NCKAP1L: variants seen among roughly 807,000 people sequenced by gnomAD.
NCKAP1L encodes the protein NCK associated protein 1 like.
Under a neutral mutation model 139.2 loss-of-function variants are expected in NCKAP1L, and 53 were observed. That is an observed-to-expected ratio of 0.38 (90% confidence interval 0.31 to 0.48). The LOEUF (loss-of-function observed/expected upper bound fraction) is 0.48, where lower values mean the gene tolerates loss of function less well. Ranked by LOEUF, NCKAP1L falls within the 20% of genes least tolerant of loss-of-function variation. NCKAP1L has a pLI of 0.98. For synonymous variants in NCKAP1L, 468 were observed against 499.7 expected (o/e 0.94, Z 0.85); for missense variants, 1,151 against 1,381.9 (o/e 0.83, Z 2.65).
chr12:54,523,609 G>GTGACACGGAAAGAGGGAAGT, intron 19 of NCKAP1L, 70 bp downstream of exon 19: 1 of 1,385,898 alleles, frequency 7.2e-7, no homozygotes. Flanking sequence ...AAGAGGGAAG[G>GTGACACGGAAAGAGGGAAGT]TGACACAGAA....
intron 3 of NCKAP1L, among the ~76,000 whole-genome samples, chr12:54,505,324 G>A (rs1433952819): frequency 6.6e-6 from 1 of 151,924 alleles, no homozygotes; most frequent in Non-Finnish European, 1.5e-5. Context: ...GCCTTTTTTT[G>A]GAAGATAAGT....
intron 3 of NCKAP1L, among the ~76,000 whole-genome samples, chr12:54,503,398 A>G (rs1956816703): frequency 6.6e-6 from 1 of 152,080 alleles, no homozygotes; most frequent in Non-Finnish European, 1.5e-5. Flanking sequence ...TTACATTTAG[A>G]AATTTGTCAT....
chr12:54,514,948 C>T (rs922545800), intron 9 of NCKAP1L, among the ~76,000 whole-genome samples: 6 of 152,220 alleles, frequency 3.9e-5, no homozygotes, highest in African/African-American at 1.4e-4. Flanking sequence ...AGTTCTCCAT[C>T]ACTAAGAGCA....
At position 54,499,460 on chromosome 12, in the gene NCKAP1L, A is replaced by C. The variant is rs754963828; in HGVS notation, c.208A>C (p.Ser70Arg). Residue 70 changes from serine to arginine, a missense_variant, in exon 2 of 31, where the codon AGC becomes CGC. Ser to Arg is a moderately radical substitution (Grantham distance 110, BLOSUM62 -1). Coordinates refer to ENST00000293373, the MANE Select transcript of NCKAP1L (RefSeq NM_005337.5). The stretch of plus-strand genomic sequence containing the variant: ...ATTTCCCAACATAGATGTCCGAAAC[A>C]GCACGGTGAGAACTTGGTCCTTCTC... ...KKFPNIDVRN[S>R]TQHLGPVHRE... The C allele has an allele frequency of 1.9e-6, 3 of 1,546,136 alleles. No individual in the cohort carries two copies. In the East Asian group the frequency reaches 6.7e-5, roughly 35 times the overall value.
At chr12:54,535,477 A>G (rs1315452773) in intron 27 of NCKAP1L, among the ~76,000 whole-genome samples, 1 of 152,202 alleles carries the variant, frequency 6.6e-6, no homozygotes, top group Admixed American at 6.5e-5. Flanking sequence ...GTGCTCTGCA[A>G]GTGCTCAAAG....
chr12:54,518,619 C>T (rs1318169786), intron 13 of NCKAP1L, 32 bp from the exon 14 acceptor site: 3 of 1,575,160 alleles, frequency 1.9e-6, no homozygotes, highest in Middle Eastern at 1.7e-4. Context: ...GAACCTGTGC[C>T]CACTTGACAG....
chr12:54,504,889 C>T (rs565651033), intron 3 of NCKAP1L, among the ~76,000 whole-genome samples: 1 of 152,300 alleles, frequency 6.6e-6, no homozygotes, highest in South Asian at 2.1e-4. Context: ...TGATTCTTGT[C>T]TGTAGAGAAT....
chr12:54,517,457 A>G (rs1956942676), intron 11 of NCKAP1L, 76 bp from the exon 12 acceptor site: 1 of 948,610 alleles, frequency 1.1e-6, no homozygotes, highest in Admixed American at 1.8e-5. Flanking sequence ...TACCTATATT[A>G]TCATGGTAGT....
Position 54,536,213 on chromosome 12 carries a change from A to T in NCKAP1L, c.3041A>T (p.Asp1014Val). Reference protein sequence around the residue: ...LAVSLPLLATDPSSFYSIEKD... With the variant: ...LAVSLPLLATVPSSFYSIEKD... Reference sequence around the variant, plus strand: ...GTTTCCCTCCCACTCCTTGCCACTGACCCTTCTTCCTTTTATAGCATTGAG... The same window carrying T: ...GTTTCCCTCCCACTCCTTGCCACTGTCCCTTCTTCCTTTTATAGCATTGAG... The change falls in exon 28 of 31, where the codon GAC (aspartate) becomes GTC (valine). Residue 1014 changes from aspartate to valine, a missense_variant. Physicochemically the swap from Asp to Val is radical, Grantham distance 152. Transcript: ENST00000293373. 6.2e-7 allele frequency: 1 copy of T among 1,612,982 alleles called. No homozygotes were observed. The highest frequency in any genetic ancestry group is 8.5e-7 in the Non-Finnish European group (1 of 1,179,562).
At chr12:54,516,400 T>C (rs1223382624) in intron 10 of NCKAP1L, 105 bp downstream of exon 10, 1 of 1,043,286 alleles carries the variant, frequency 9.6e-7, no homozygotes, top group Non-Finnish European at 1.5e-6. Context: ...CTTTATTGCC[T>C]CAACCCAAGA....
intron 1 of NCKAP1L, 48 bp downstream of exon 1, chr12:54,497,939 G>T: frequency 8.0e-7 from 1 of 1,250,828 alleles, no homozygotes; most frequent in South Asian, 1.2e-5. Flanking sequence ...ACAATAATAG[G>T]GCAGGGAACC....
intron 26 of NCKAP1L, 46 bp from the exon 27 acceptor site, chr12:54,535,058 T>C (rs1407207086): frequency 6.6e-7 from 1 of 1,516,502 alleles, no homozygotes; most frequent in Non-Finnish European, 9.1e-7. Context: ...TGTCAAGCCA[T>C]TGTGTCCTGC....
At chr12:54,522,223 T>A (rs1956989543) in intron 18 of NCKAP1L, among the ~76,000 whole-genome samples, 2 of 152,202 alleles carry the variant, frequency 1.3e-5, no homozygotes, top group South Asian at 4.1e-4. Flanking sequence ...AAATAATTAA[T>A]GCAAGAAGAT....
chr12:54,529,467 A>G (rs1217835622), intron 22 of NCKAP1L, among the ~76,000 whole-genome samples: 1 of 152,198 alleles, frequency 6.6e-6, no homozygotes, highest in Non-Finnish European at 1.5e-5. Flanking sequence ...GCTGCATAGT[A>G]TCTGGGACAG....
chr12:54,541,348 G>C (rs1254635331), intron 30 of NCKAP1L, among the ~76,000 whole-genome samples: 1 of 152,190 alleles, frequency 6.6e-6, no homozygotes, highest in Non-Finnish European at 1.5e-5. Flanking sequence ...TCTGCCACTT[G>C]GGAGCCCTGT....
At position 54,509,918 on chromosome 12, in the gene NCKAP1L, G is replaced by A. The variant is rs779642333; in HGVS notation, c.668G>A (p.Arg223His). Residue 223 changes from arginine to histidine, a missense_variant, in exon 7 of 31, where the codon CGC (arginine) becomes CAC (histidine). Physicochemically the swap from Arg to His is conservative, Grantham distance 29 (BLOSUM62 0). Coordinates refer to ENST00000293373, the MANE Select transcript of NCKAP1L (RefSeq NM_005337.5). ...AGAAACCAGGGGGCTGAGCAGTGGC[G>A]CAGTGCCCAACTTCTAAGCCTCATC... ...VRRNQGAEQWRSAQLLSLISN... is the reference protein window; with the variant it reads ...VRRNQGAEQWHSAQLLSLISN... The A allele has an allele frequency of 1.7e-5, 28 of 1,614,066 alleles. No individual in the cohort carries two copies. Among genetic ancestry groups the A allele is most frequent in the East Asian group, 4.5e-5 (2 of 44,894 alleles).
At chr12:54,503,186 AT>A (rs1407062753) in intron 3 of NCKAP1L, among the ~76,000 whole-genome samples, 1 of 152,012 alleles carries the variant, frequency 6.6e-6, no homozygotes, top group Non-Finnish European at 1.5e-5. Context: ...TGGGCTAGTT[AT>A]TTTTGAGAAA....
In NCKAP1L at chr12:54,548,028, G is replaced by A. The variant is rs1957213025; in HGVS notation, c.*5343G>A. Reference sequence around the variant, plus strand: ...GCTGATACTTCTGCTGAATCTAAATGCTGACCTAACTTGGCAATTCTTTTA... The same window carrying A: ...GCTGATACTTCTGCTGAATCTAAATACTGACCTAACTTGGCAATTCTTTTA... On this transcript the variant is annotated 3_prime_UTR_variant, in exon 31 of 31. Coordinates refer to ENST00000293373, the MANE Select transcript of NCKAP1L (RefSeq NM_005337.5). 6.6e-6 allele frequency: 1 copy of A among 152,206 alleles called. No homozygotes were observed. The highest frequency in any genetic ancestry group is 2.1e-4 in the South Asian group (1 of 4,830). The allele number at this position is 152,206 out of a possible 1,614,324, so 9.4% of individuals were successfully genotyped here.
chr12:54,545,704 C>G lies in NCKAP1L; in HGVS notation c.*3019C>G, dbSNP rs980928348. Reference sequence around the variant, plus strand: ...TAAAGAATGGATATCAGAAATCTCACCCCAATTGTTTTGTCTTACAGGCAC... The same window carrying G: ...TAAAGAATGGATATCAGAAATCTCAGCCCAATTGTTTTGTCTTACAGGCAC... On this transcript the variant is annotated 3_prime_UTR_variant, in exon 31 of 31. Coordinates refer to ENST00000293373, the MANE Select transcript of NCKAP1L (RefSeq NM_005337.5). The G allele has an allele frequency of 6.6e-6, 1 of 152,232 alleles. No individual in the cohort carries two copies. The highest frequency in any genetic ancestry group is 1.5e-5 in the Non-Finnish European group (1 of 68,046). The allele number at this position is 152,232 out of a possible 1,614,324, so 9.4% of individuals were successfully genotyped here.
Sources: allele counts gnomAD v4.1 joint callset (sites outside exome capture counted in the v4.1 genomes callset), GRCh38; gene constraint gnomAD v4.1.1; transcripts MANE v1.5; gene names NCBI Gene and HGNC (gene_info 2026-07-23, HGNC 2026-07-21).